Variants in PTK2 observed in about 807,000 individuals in gnomAD.
The protein encoded by PTK2 is protein tyrosine kinase 2.
Under a neutral mutation model 150.1 loss-of-function variants are expected in PTK2, and 45 were observed. The ratio of observed to expected loss-of-function variants is 0.30; its 90% confidence interval spans 0.24 to 0.38. The LOEUF is 0.38. Among genes scored for constraint, PTK2 ranks in the 10% least tolerant of loss-of-function variants. PTK2 has a pLI of 1.00. For missense variants in PTK2, 919 were observed against 1,307.3 expected (o/e 0.70, Z 4.58); for synonymous variants, 432 against 449.2 (o/e 0.96, Z 0.48).
chr8:140,735,552 G>T, intron 21 of PTK2, 97 bp from the exon 25 acceptor site: 2 of 1,233,516 alleles, frequency 1.6e-6, no homozygotes, highest in African/African-American at 1.5e-5. Context: ...TCGAGTACCA[G>T]CTGGGAGGTA....
intron 20 of PTK2, among the ~76,000 whole-genome samples, chr8:140,742,783 C>T (rs755458698): frequency 3.3e-5 from 5 of 152,136 alleles, no homozygotes; most frequent in Non-Finnish European, 4.4e-5. Context: ...GTGGCTGGCA[C>T]GAATCTTCTA....
At chr8:140,754,367 T>C (rs1417258217) in intron 16 of PTK2, among the ~76,000 whole-genome samples, 1 of 152,236 alleles carries the variant, frequency 6.6e-6, no homozygotes, top group East Asian at 1.9e-4. Context: ...TGAGTCAGTC[T>C]TGTCTTCCTT....
At chr8:140,697,453 TG>T (rs1394570692) in intron 26 of PTK2, among the ~76,000 whole-genome samples, 26 of 150,574 alleles carry the variant, frequency 1.7e-4, no homozygotes, top group East Asian at 1.3e-3. Context: ...TGTGTGTGTG[TG>T]TTTTTAAACG....
At chr8:140,756,988 CAA>C (rs751248364) in intron 16 of PTK2, among the ~76,000 whole-genome samples, 4 of 99,362 alleles carry the variant, frequency 4.0e-5, no homozygotes, top group Non-Finnish European at 2.2e-5. Flanking sequence ...TACTCCGTCT[CAA>C]AAAAAAAAAA....
At chr8:140,812,240 G>A (rs1298475843) in intron 10 of PTK2, among the ~76,000 whole-genome samples, 2 of 152,158 alleles carry the variant, frequency 1.3e-5, no homozygotes, top group African/African-American at 4.8e-5. Context: ...AGAGATTGGG[G>A]GCCAACATTC....
At chr8:140,829,209 T>C (rs1453473895) in intron 8 of PTK2, among the ~76,000 whole-genome samples, 2 of 152,240 alleles carry the variant, frequency 1.3e-5, no homozygotes, top group Non-Finnish European at 2.9e-5. Context: ...CTAGAATGCA[T>C]TGTGTTTTAA....
chr8:140,836,103 A>G (rs2100118528), intron 7 of PTK2, among the ~76,000 whole-genome samples: 1 of 152,056 alleles, frequency 6.6e-6, no homozygotes, highest in Non-Finnish European at 1.5e-5. Flanking sequence ...GACTTTTTAA[A>G]ATGTATGCTT....
intron 20 of PTK2, among the ~76,000 whole-genome samples, chr8:140,740,739 T>G (rs192174910): frequency 6.6e-6 from 1 of 152,386 alleles, no homozygotes; most frequent in East Asian, 1.9e-4. Context: ...ATATAAAATG[T>G]ATTTAGAAAT....
At chr8:140,889,638 A>AAAAG (rs760550584) in intron 3 of PTK2, among the ~76,000 whole-genome samples, 1 of 152,026 alleles carries the variant, frequency 6.6e-6, no homozygotes, top group Admixed American at 6.6e-5. Context: ...GTAAAAAAAA[A>AAAAG]AAAGAAAGAA....
intron 17 of PTK2, among the ~76,000 whole-genome samples, chr8:140,748,353 C>T (rs1010941717): frequency 6.6e-6 from 1 of 151,912 alleles, no homozygotes; most frequent in African/African-American, 2.4e-5. Context: ...ATTAGCTGGG[C>T]GTGGTGGTGT....
In PTK2 at chr8:140,738,425, C is replaced by A. The variant is rs545629313; in HGVS notation, c.1825+593G>T. Among the ~76,000 whole-genome samples the A allele has an allele frequency of 9.2e-5, 14 of 152,212 alleles. No homozygotes were observed. The South Asian group carries it at 2.9e-3, about 32-fold the overall frequency. The stretch of plus-strand genomic sequence containing the variant: ...AGTAGCAAAGAATAAATGAGAGCCA[C>A]ACTTCTACACCAGCTAGAAGGAACT... On this transcript the variant is annotated intron_variant, in intron 21 of 31. Transcript: ENST00000522684.
intron 26 of PTK2, among the ~76,000 whole-genome samples, chr8:140,688,849 T>C (rs1482913127): frequency 6.6e-6 from 1 of 152,208 alleles, no homozygotes; most frequent in African/African-American, 2.4e-5. Flanking sequence ...ATTTAAAAAA[T>C]GAATTCTTAC....
intron 26 of PTK2, 92 bp from the exon 30 acceptor site, chr8:140,686,786 A>G (rs1023982096): frequency 9.2e-7 from 1 of 1,084,338 alleles, no homozygotes; most frequent in Non-Finnish European, 1.4e-6. Context: ...TTTTAACACA[A>G]TTGTCCTCTG....
chr8:140,832,018 G>A (rs1170168976), intron 7 of PTK2, among the ~76,000 whole-genome samples: 1 of 152,164 alleles, frequency 6.6e-6, no homozygotes, highest in Non-Finnish European at 1.5e-5. Context: ...ACATTTTCAA[G>A]CCACTATTCC....
At chr8:140,779,271 AAAG>A (rs2100080308) in intron 14 of PTK2, among the ~76,000 whole-genome samples, 2 of 151,594 alleles carry the variant, frequency 1.3e-5, no homozygotes, top group Admixed American at 6.6e-5. Context: ...AAAAAAAAAA[AAAG>A]AAGACATGCT....
At chr8:140,682,645 A>C (rs1047083926) in intron 27 of PTK2, among the ~76,000 whole-genome samples, 7 of 151,952 alleles carry the variant, frequency 4.6e-5, no homozygotes, top group African/African-American at 1.4e-4. Flanking sequence ...AAAAAAAAAA[A>C]AAAACCGAAA....
At chr8:140,931,007 G>A (rs1175570895) in intron 1 of PTK2, among the ~76,000 whole-genome samples, 2 of 148,352 alleles carry the variant, frequency 1.3e-5, no homozygotes, top group Non-Finnish European at 3.0e-5. Context: ...GAAGGCAAAG[G>A]TTGCAGTAAG....
At chr8:140,926,876 C>G (rs976350034) in intron 1 of PTK2, among the ~76,000 whole-genome samples, 1 of 152,040 alleles carries the variant, frequency 6.6e-6, no homozygotes, top group African/African-American at 2.4e-5. Context: ...ACAACAAAAC[C>G]CTGACCTTAT....
chr8:140,994,133 T>C (rs952290031), intron 1 of PTK2, among the ~76,000 whole-genome samples: 1 of 152,220 alleles, frequency 6.6e-6, no homozygotes, highest in Non-Finnish European at 1.5e-5. Context: ...TTAAATAAAA[T>C]TTAATTAAAC....
Sources: gnomAD v4.1 joint callset for allele counts (sites outside exome capture counted in the v4.1 genomes callset) on GRCh38, gnomAD v4.1.1 for gene constraint, MANE v1.5 for transcripts, NCBI Gene and HGNC (gene_info 2026-07-23, HGNC 2026-07-21) for gene names.